HAPLN1: variants seen among roughly 807,000 people sequenced by gnomAD.
HAPLN1 encodes the protein hyaluronan and proteoglycan link protein 1.
A neutral mutation model predicts 36.5 loss-of-function variants in HAPLN1; 13 were observed. That is an observed-to-expected ratio of 0.36 (90% confidence interval 0.23 to 0.57). The LOEUF (loss-of-function observed/expected upper bound fraction) is 0.57. Among genes scored for constraint, HAPLN1 ranks in the 20% least tolerant of loss-of-function variants. The pLI, the probability that HAPLN1 is intolerant of heterozygous loss-of-function variation, is 0.83. For missense variants in HAPLN1, 407 were observed against 439.7 expected (o/e 0.93, Z 0.66); for synonymous variants, 202 against 169.8 (o/e 1.19, Z -1.48).
At chr5:83,710,753 C>T (rs575371929) in intron 1 of HAPLN1, among the ~76,000 whole-genome samples, 102 of 152,112 alleles carry the variant, frequency 6.7e-4, no homozygotes, top group Non-Finnish European at 1.2e-3. Flanking sequence ...GATTTCGAGA[C>T]CAGCCTGACC....
rs531474656 is a variant in HAPLN1, at chr5:83,638,450, C to G, written c.*3046G>C. On this transcript the variant is annotated 3_prime_UTR_variant, in exon 5 of 5. Coordinates refer to ENST00000274341, the MANE Select transcript of HAPLN1 (RefSeq NM_001884.4). The stretch of plus-strand genomic sequence containing the variant: ...CGATACAGTTAACTTCTTAACAAAA[C>G]GATGTCAGTTATCCGTTGATATTTC... The G allele has an allele frequency of 6.6e-6, 1 of 152,148 alleles. No individual in the cohort carries two copies. 9.4% of individuals were successfully genotyped at this position (152,148 alleles called of 1,614,324 possible).
In HAPLN1 at chr5:83,712,884, C is replaced by CAA. The variant is rs201001436; in HGVS notation, c.-27+7903_-27+7904dup. Among the ~76,000 whole-genome samples, 64 of 100,388 alleles carry CAA rather than the reference C, an allele frequency of 6.4e-4. 2 individuals carry two copies. The highest frequency in any genetic ancestry group is 4.0e-3 in the East Asian group (16 of 4,018). 65.9% of individuals were successfully genotyped at this position (100,388 alleles called of 152,430 possible). A position where few individuals can be genotyped will look rare whatever the true frequency, so the allele number is the denominator to read the frequency against. On this transcript the variant is annotated intron_variant, in intron 1 of 4. Transcript: ENST00000274341. ...ATAAGGGGAGGGAGGAGAACCTGGA[C>CAA]AAAAAAAAAAAAAGGAAGTTGCTGA... is the stretch of plus-strand genomic sequence containing the variant.
intron 1 of HAPLN1, among the ~76,000 whole-genome samples, chr5:83,695,228 C>G (rs1361756566): frequency 2.6e-5 from 4 of 152,254 alleles, no homozygotes; most frequent in Admixed American, 1.3e-4. Context: ...TGGGTTCAAA[C>G]AATTCTCCTG....
chr5:83,719,319 G>C (rs1265350702), intron 1 of HAPLN1, among the ~76,000 whole-genome samples: 1 of 152,170 alleles, frequency 6.6e-6, no homozygotes, highest in Admixed American at 6.5e-5. Context: ...TCCTCCTGTA[G>C]AGCAGTGGTC....
chr5:83,652,604 G>T lies in HAPLN1; in HGVS notation c.321C>A (p.Gly107=), dbSNP rs1750099493. The change falls in exon 3 of 5, where the codon GGC becomes GGA. Residue 107 remains glycine, a synonymous_variant. Transcript: ENST00000274341. The stretch of plus-strand genomic sequence containing the variant: ...CCTTCAGAAACACTCTACCCTGGTA[G>T]CCTCCATAGGTTTTTTTGTGGTATC... ...SMGYHKKTYG[G]YQGRVFLKGG... 6.2e-7 allele frequency: 1 copy of T among 1,613,988 alleles called. No homozygotes were observed. The highest frequency in any genetic ancestry group is 1.7e-5 in the Admixed American group (1 of 59,992).
intron 1 of HAPLN1, among the ~76,000 whole-genome samples, chr5:83,713,426 T>A (rs68035760): frequency 0.29 from 43,980 of 152,072 alleles, 6,789 homozygotes; most frequent in East Asian, 0.42. Context: ...ATTCATGCAT[T>A]AATCATGTCA....
intron 1 of HAPLN1, among the ~76,000 whole-genome samples, chr5:83,715,979 G>A (rs1751905447): frequency 6.6e-6 from 1 of 152,136 alleles, no homozygotes; most frequent in Admixed American, 6.5e-5. Flanking sequence ...TGTAAAATGA[G>A]GGGGATCACA....
intron 3 of HAPLN1, among the ~76,000 whole-genome samples, chr5:83,646,663 G>A (rs1016562655): frequency 1.1e-4 from 16 of 152,324 alleles, no homozygotes; most frequent in African/African-American, 3.4e-4. Context: ...AAAGGAAGGA[G>A]TAAAAGCCTC....
At chr5:83,710,972 A>G (rs1440544256) in intron 1 of HAPLN1, among the ~76,000 whole-genome samples, 1 of 152,076 alleles carries the variant, frequency 6.6e-6, no homozygotes, top group East Asian at 1.9e-4. Context: ...AAAAAGAAAA[A>G]TAACCAGAGT....
rs1749575692 is a variant in HAPLN1, at chr5:83,638,292, T to C, written c.*3204A>G. 1 of 152,004 alleles carries C rather than the reference T, an allele frequency of 6.6e-6. No individual in the cohort carries two copies. The highest frequency in any genetic ancestry group is 6.6e-5 in the Admixed American group (1 of 15,260). The allele number at this position is 152,004 out of a possible 1,614,324, so 9.4% of individuals were successfully genotyped here. A position where few individuals can be genotyped will look rare whatever the true frequency, so the allele number is the denominator to read the frequency against. ...TTTTGGTAATACAGATTGATTCTTCTCCTCAAAGTTATACTTGATATCTAT... is the reference window on the plus strand; with the variant it reads ...TTTTGGTAATACAGATTGATTCTTCCCCTCAAAGTTATACTTGATATCTAT... On this transcript the variant is annotated 3_prime_UTR_variant, in exon 5 of 5. Transcript: ENST00000274341.
chr5:83,659,899 T>A (rs188300823), intron 2 of HAPLN1, among the ~76,000 whole-genome samples: 1 of 152,194 alleles, frequency 6.6e-6, no homozygotes, highest in Admixed American at 6.5e-5. Flanking sequence ...TAAGTGGAGA[T>A]CTTTGATATA....
rs909206592 is a variant in HAPLN1 at position 83,638,368 on chromosome 5, T to G, written c.*3128A>C. 1.3e-5 allele frequency: 2 copies of G among 152,072 alleles called. No individual in the cohort carries two copies. The highest frequency in any genetic ancestry group is 4.8e-5 in the African/African-American group (2 of 41,442). 9.4% of individuals were successfully genotyped at this position (152,072 alleles called of 1,614,324 possible). ...TTTTAATCAGGTGGCTTAATAACTT[T>G]TGTATTTTTCATCTCTTTCGTTGTA... is the stretch of plus-strand genomic sequence containing the variant. On this transcript the variant is annotated 3_prime_UTR_variant, in exon 5 of 5. Transcript: ENST00000274341.
intron 2 of HAPLN1, among the ~76,000 whole-genome samples, chr5:83,661,611 A>AT (rs1434756644): frequency 3.3e-5 from 5 of 151,494 alleles, no homozygotes; most frequent in African/African-American, 4.8e-5. Context: ...CGCCCGGCTA[A>AT]TTTTTTGTAT....
At chr5:83,711,153 T>C (rs888368473) in intron 1 of HAPLN1, among the ~76,000 whole-genome samples, 3 of 151,910 alleles carry the variant, frequency 2.0e-5, no homozygotes, top group Non-Finnish European at 4.4e-5. Context: ...AGATAATGCA[T>C]TGGGGGTACA....
chr5:83,706,629 G>A (rs1751659959), intron 1 of HAPLN1, among the ~76,000 whole-genome samples: 1 of 152,150 alleles, frequency 6.6e-6, no homozygotes, highest in African/African-American at 2.4e-5. Flanking sequence ...ACATTATACT[G>A]AATGGGCAAA....
At chr5:83,718,323 A>C (rs1350712638) in intron 1 of HAPLN1, among the ~76,000 whole-genome samples, 1 of 152,182 alleles carries the variant, frequency 6.6e-6, no homozygotes, top group Admixed American at 6.5e-5. Context: ...GTTAATGTTC[A>C]ACAAACGTCA....
At chr5:83,711,223 TAG>T (rs1236441101) in intron 1 of HAPLN1, among the ~76,000 whole-genome samples, 4 of 152,100 alleles carry the variant, frequency 2.6e-5, no homozygotes, top group African/African-American at 9.7e-5. Context: ...CCATGTGAAT[TAG>T]AGAGGCTTGC....
At chr5:83,713,458 T>C (rs987798814) in intron 1 of HAPLN1, among the ~76,000 whole-genome samples, 2 of 152,204 alleles carry the variant, frequency 1.3e-5, no homozygotes, top group Non-Finnish European at 2.9e-5. Context: ...TACTAATTCT[T>C]CCCTGGGTTT....
intron 1 of HAPLN1, among the ~76,000 whole-genome samples, chr5:83,698,014 A>G (rs527320157): frequency 3.7e-4 from 57 of 152,236 alleles, no homozygotes; most frequent in African/African-American, 1.3e-3. Flanking sequence ...CCTTTGAAGT[A>G]CTAATGAGGC....
Sources: allele counts gnomAD v4.1 joint callset (sites outside exome capture counted in the v4.1 genomes callset), GRCh38; gene constraint gnomAD v4.1.1; transcripts MANE v1.5; gene names NCBI Gene and HGNC (gene_info 2026-07-23, HGNC 2026-07-21).